The following RERE variants were observed in gnomAD, a reference collection of about 807,000 sequenced individuals.
The protein encoded by RERE is arginine-glutamic acid dipeptide repeats protein.
A neutral mutation model predicts 146.1 loss-of-function variants in RERE; 40 were observed. That is an observed-to-expected ratio of 0.27 (90% CI 0.21 to 0.36). The LOEUF (loss-of-function observed/expected upper bound fraction) is 0.36. Ranked by LOEUF, RERE falls within the 10% of genes least tolerant of loss-of-function variation. The pLI, the probability that RERE is intolerant of heterozygous loss-of-function variation, is 1.00. For missense variants in RERE, 1,933 were observed against 2,138.7 expected (o/e 0.90, Z 1.90); for synonymous variants, 1,003 against 866.0 (o/e 1.16, Z -2.78).
chr1:8,549,327 A>C (rs1645906412), intron 6 of RERE, among the ~76,000 whole-genome samples: 1 of 152,222 alleles, frequency 6.6e-6, no homozygotes. Flanking sequence ...TTGCTGATAA[A>C]GTGCAGGGGC....
At chr1:8,575,509 C>A (rs1224682000) in intron 4 of RERE, among the ~76,000 whole-genome samples, 1 of 145,674 alleles carries the variant, frequency 6.9e-6, no homozygotes, top group South Asian at 2.2e-4. Context: ...GACTACAGGC[C>A]TGTGCCACCA....
Position 8,574,340 on chromosome 1 carries a change from C to CTTTTTT in RERE, c.523-16823_523-16818dup, listed in dbSNP as rs35921166. 1.3e-4 allele frequency among the ~76,000 whole-genome samples: 11 copies of CTTTTTT among 87,222 alleles called. 1 individual carries two copies. The highest frequency in any genetic ancestry group is 4.0e-4 in the South Asian group (1 of 2,498). The allele number at this position is 87,222 out of a possible 152,430, so 57.2% of individuals were successfully genotyped here. On this transcript the variant is annotated intron_variant, in intron 4 of 22. Transcript: ENST00000400908. ...GTTAAGACTATGATCTATATATAGTCTTTTTTTTTTTTTTTTTTTTTTGAG... is the reference window on the plus strand; with the variant it reads ...GTTAAGACTATGATCTATATATAGTCTTTTTTTTTTTTTTTTTTTTTTTTTTTTGAG...
intron 4 of RERE, among the ~76,000 whole-genome samples, chr1:8,604,627 A>AGGAAGGAT (rs1394338965): frequency 1.7e-5 from 2 of 120,082 alleles, no homozygotes; most frequent in African/African-American, 8.2e-5. Context: ...GGAGGGAGGA[A>AGGAAGGAT]GGAAGGAAGG....
At chr1:8,754,567 T>C (rs983944354) in intron 1 of RERE, among the ~76,000 whole-genome samples, 6 of 152,234 alleles carry the variant, frequency 3.9e-5, no homozygotes, top group African/African-American at 1.4e-4. Flanking sequence ...AATTGTTTGA[T>C]CTACAAGGTC....
At chr1:8,781,382 A>T (rs1344665308) in intron 1 of RERE, among the ~76,000 whole-genome samples, 1 of 149,194 alleles carries the variant, frequency 6.7e-6, no homozygotes, top group Non-Finnish European at 1.5e-5. Flanking sequence ...ACTTTTTTTT[A>T]AATTAGCTGG....
At chr1:8,444,235 C>G (rs1644289299) in intron 11 of RERE, among the ~76,000 whole-genome samples, 1 of 152,188 alleles carries the variant, frequency 6.6e-6, no homozygotes, top group African/African-American at 2.4e-5. Context: ...GAGTCAAGGG[C>G]TATTTTGGAG....
intron 1 of RERE, among the ~76,000 whole-genome samples, chr1:8,709,300 T>C (rs1296005808): frequency 1.3e-5 from 2 of 151,736 alleles, no homozygotes; most frequent in East Asian, 1.9e-4. Context: ...TTTTTTCTTA[T>C]ATTGAGACAG....
At position 8,356,225 on chromosome 1, in the gene RERE, G is replaced by GGGT; in HGVS notation, c.4358_4360dup (p.His1453dup). Reference sequence around the variant, plus strand: ...ACCGGCAGTCAGGGGGTCGACCAGCGGGTGAACGGGGCCTGCTGAACCTAA... The same window carrying GGGT: ...ACCGGCAGTCAGGGGGTCGACCAGCGGGTGGTGAACGGGGCCTGCTGAACCTAA... On this transcript the variant is annotated inframe_insertion, in exon 21 of 23. Coordinates refer to ENST00000400908, the MANE Select transcript of RERE (RefSeq NM_001042681.2). The surrounding 1 kb of genome is among the most constrained non-coding windows in gnomAD (Gnocchi z 5.2). 6.6e-7 allele frequency: 1 copy of GGGT among 1,525,480 alleles called. No individual in the cohort carries two copies. The highest frequency in any genetic ancestry group is 1.3e-5 in the South Asian group (1 of 77,534). The allele number at this position is 1,525,480 out of a possible 1,614,324, so 94.5% of individuals were successfully genotyped here.
intron 11 of RERE, among the ~76,000 whole-genome samples, chr1:8,441,378 G>GC (rs758755970): frequency 2.2e-4 from 33 of 152,136 alleles, no homozygotes; most frequent in Middle Eastern, 6.8e-3. Context: ...CCCCACCACT[G>GC]CCCCCCTCTC....
intron 1 of RERE, among the ~76,000 whole-genome samples, chr1:8,772,420 C>A (rs1260605627): frequency 6.6e-6 from 1 of 152,110 alleles, no homozygotes; most frequent in Admixed American, 6.6e-5. Context: ...CTGTACCTTG[C>A]TCTGATAAGA....
At chr1:8,726,215 CG>C (rs946790183) in intron 1 of RERE, among the ~76,000 whole-genome samples, 7 of 134,818 alleles carry the variant, frequency 5.2e-5, no homozygotes, top group Admixed American at 8.7e-5. Context: ...AGTGCAGCAG[CG>C]TAATTTCGGC....
rs1222721625 is a variant in RERE at position 8,360,564 on chromosome 1, CG to C, written c.2942del (p.Pro981ArgfsTer27). The C allele has an allele frequency of 5.1e-6, 6 of 1,170,276 alleles. No individual in the cohort carries two copies. The highest frequency in any genetic ancestry group is 6.6e-6 in the Non-Finnish European group (6 of 914,290). The allele number at this position is 1,170,276 out of a possible 1,614,324, so 72.5% of individuals were successfully genotyped here. On this transcript the variant is annotated frameshift_variant, in exon 18 of 23. Coordinates refer to ENST00000400908, the MANE Select transcript of RERE (RefSeq NM_001042681.2). LOFTEE classifies it high-confidence loss of function. Reference sequence around the variant, plus strand: ...GTTGCAGGGGTGGGGGGTGAGCCGACGGGGGGTGATGTGTGGACAGGGAGCT... The same window carrying C: ...GTTGCAGGGGTGGGGGGTGAGCCGACGGGGGTGATGTGTGGACAGGGAGCT... ...PLSSLSTHHPPSAHPPPLQLM... is the reference protein window; with the variant it reads ...PLSSLSTHHPXSAHPPPLQLM...
At chr1:8,565,204 G>T (rs1646138869) in intron 4 of RERE, among the ~76,000 whole-genome samples, 1 of 151,818 alleles carries the variant, frequency 6.6e-6, no homozygotes, top group African/African-American at 2.4e-5. Flanking sequence ...TTCAAAATTG[G>T]TAAGAGAGTA....
chr1:8,508,612 G>A lies in RERE; in HGVS notation c.879+15C>T, dbSNP rs1645288607. 1 of 1,598,116 alleles carries A rather than the reference G, an allele frequency of 6.3e-7. No homozygotes were observed. The highest frequency in any genetic ancestry group is 1.1e-5 in the South Asian group (1 of 90,572). Reference sequence around the variant, plus strand: ...AACAAAAACCTATTAAGGAAGCTATGAAAATGAACTTCACCTGATGACTAG... The same window carrying A: ...AACAAAAACCTATTAAGGAAGCTATAAAAATGAACTTCACCTGATGACTAG... On this transcript the variant is annotated intron_variant, in intron 8 of 22. Coordinates refer to ENST00000400908, the MANE Select transcript of RERE (RefSeq NM_001042681.2).
chr1:8,605,363 A>T (rs1183394215), intron 4 of RERE, among the ~76,000 whole-genome samples: 1 of 152,068 alleles, frequency 6.6e-6, no homozygotes, highest in African/African-American at 2.4e-5. Flanking sequence ...CAATCTCCTG[A>T]CCTTGTGATC....
intron 4 of RERE, among the ~76,000 whole-genome samples, chr1:8,607,363 A>AG (rs1491579738): frequency 7.9e-6 from 1 of 125,926 alleles, no homozygotes; most frequent in African/African-American, 3.5e-5. Flanking sequence ...CCCTGTCTCC[A>AG]AAAAAAAAAA....
In RERE at chr1:8,360,398, G is replaced by T; in HGVS notation, c.3109C>A (p.His1037Asn). 1 of 1,259,142 alleles carries T rather than the reference G, an allele frequency of 7.9e-7. No homozygotes were observed. Among genetic ancestry groups the T allele is most frequent in the Non-Finnish European group, 1.0e-6 (1 of 991,756 alleles). The allele number at this position is 1,259,142 out of a possible 1,614,324, so 78.0% of individuals were successfully genotyped here. A position where few individuals can be genotyped will look rare whatever the true frequency, so the allele number is the denominator to read the frequency against. The stretch of plus-strand genomic sequence containing the variant: ...GGAGGGCCTCCAGGGACAAAGGGGT[G>T]CTGAGCAAACGGGGGTTGGGGGGCC... ...QVAPQPPFAQ[H>N]PFVPGGPPPI... Residue 1037 changes from histidine to asparagine, a missense_variant, in exon 18 of 23, where the codon CAC becomes AAC. His to Asn is a moderately conservative substitution (Grantham distance 68). Transcript: ENST00000400908.
At chr1:8,628,222 AAGTT>A (rs1001154879) in intron 2 of RERE, among the ~76,000 whole-genome samples, 2 of 152,190 alleles carry the variant, frequency 1.3e-5, no homozygotes, top group African/African-American at 4.8e-5. Flanking sequence ...ATATATGAAA[AAGTT>A]AGAGAAGCTC....
At chr1:8,679,238 G>A (rs1359719731) in intron 1 of RERE, among the ~76,000 whole-genome samples, 2 of 152,038 alleles carry the variant, frequency 1.3e-5, no homozygotes, top group Admixed American at 6.6e-5. Flanking sequence ...TGAACCCAGG[G>A]GACTTTATCT....
Sources: allele counts gnomAD v4.1 joint callset (sites outside exome capture counted in the v4.1 genomes callset), GRCh38; gene constraint gnomAD v4.1.1; non-coding constraint Gnocchi (gnomAD v3.1); transcripts MANE v1.5; gene names NCBI Gene and HGNC (gene_info 2026-07-23, HGNC 2026-07-21).